The following QSOX2 variants were observed in gnomAD, a reference collection of about 807,000 sequenced individuals.
QSOX2 encodes sulfhydryl oxidase 2.
QSOX2 carries 46 observed loss-of-function variants against 61.7 expected under a neutral mutation model. That is an observed-to-expected ratio of 0.75 (90% CI 0.59 to 0.95). The LOEUF is 0.95. Ranked by LOEUF, QSOX2 falls within the 40% of genes least tolerant of loss-of-function variation. QSOX2 has a pLI of 0.00. For synonymous variants in QSOX2, 383 were observed against 388.4 expected, an observed-to-expected ratio of 0.99 and a Z score of 0.16; for missense variants, 879 against 918.9, an observed-to-expected ratio of 0.96 and a Z score of 0.56.
chr9:136,240,419 A>G (rs1252383567), intron 1 of QSOX2, among the ~76,000 whole-genome samples: 1 of 152,222 alleles, frequency 6.6e-6, no homozygotes, highest in South Asian at 2.1e-4. Flanking sequence ...AGTAAAGATA[A>G]AACAATCTCC....
Position 136,228,869 on chromosome 9 carries a change from C to T in QSOX2, c.329-1995G>A, listed in dbSNP as rs145544326. 8.1e-3 allele frequency among the ~76,000 whole-genome samples: 1,235 copies of T among 152,330 alleles called. 13 individuals carry two copies. Among genetic ancestry groups the T allele is most frequent in the Non-Finnish European group, 0.011 (726 of 68,028 alleles). ...CCACTTGTCTAAATCAATGATTCCA[C>T]TATAAATCATGTAAAAAGAGTAAGA... On this transcript the variant is annotated intron_variant, in intron 1 of 11. Coordinates refer to ENST00000358701, the MANE Select transcript of QSOX2 (RefSeq NM_181701.4).
At position 136,234,757 on chromosome 9, in the gene QSOX2, C is replaced by A. The variant is rs377395041; in HGVS notation, c.329-7883G>T. The stretch of plus-strand genomic sequence containing the variant: ...GCAAGGCTGGTCTCCACAAGGCCCC[C>A]CAGCTCCACTGCGCCCGCCCCAGCC... On this transcript the variant is annotated intron_variant, in intron 1 of 11. Coordinates refer to ENST00000358701, the MANE Select transcript of QSOX2 (RefSeq NM_181701.4). 2.8e-3 allele frequency among the ~76,000 whole-genome samples: 395 copies of A among 141,308 alleles called. 10 individuals are homozygous for A. Among genetic ancestry groups the A allele is most frequent in the Non-Finnish European group, 4.2e-3 (270 of 64,352 alleles). The allele number at this position is 141,308 out of a possible 152,430, so 92.7% of individuals were successfully genotyped here. A position where few individuals can be genotyped will look rare whatever the true frequency, so the allele number is the denominator to read the frequency against.
intron 11 of QSOX2, 115 bp downstream of exon 11, chr9:136,211,149 C>T: frequency 8.7e-7 from 1 of 1,145,748 alleles, no homozygotes; most frequent in Non-Finnish European, 1.2e-6. Context: ...CAGTGGGTGG[C>T]ACGAGGCCGC....
rs1399318619 is a variant in QSOX2 at position 136,221,745 on chromosome 9, T to C, written c.821+51A>G. On this transcript the variant is annotated intron_variant, in intron 6 of 11. Coordinates refer to ENST00000358701, the MANE Select transcript of QSOX2 (RefSeq NM_181701.4). This position sits in a 1 kb window ranked among gnomAD's most constrained non-coding sequence, Gnocchi z 4.5. ...TTGCACTGTCTACTCGGAGCCTCTG[T>C]CCGGTAACTCCGAGCGGCACGGAGT... 3.3e-6 allele frequency: 5 copies of C among 1,528,670 alleles called. No individual in the cohort carries two copies. Among genetic ancestry groups the C allele is most frequent in the Non-Finnish European group, 4.4e-6 (5 of 1,133,876 alleles). The allele number at this position is 1,528,670 out of a possible 1,614,324, so 94.7% of individuals were successfully genotyped here.
At chr9:136,218,850 C>A in intron 7 of QSOX2, 42 bp from the exon 8 acceptor site, 1 of 1,601,996 alleles carries the variant, frequency 6.2e-7, no homozygotes, top group Non-Finnish European at 8.5e-7. Context: ...CCCAACCTTT[C>A]CCTCCACAGC....
In QSOX2 at chr9:136,216,631, G is replaced by T; in HGVS notation, c.1178C>A (p.Ala393Asp). The change falls in exon 9 of 12, where the codon GCC becomes GAC. Residue 393 changes from alanine to aspartate, a missense_variant. Transcript: ENST00000358701. ...SLPLDRIPYN[A>D]VLDLVNNKMR... ...CTTGTTGTTGACCAGGTCAAGCACGGCGTTGTAGGGGATCCTGTCCAGGGG... is the reference window on the plus strand; with the variant it reads ...CTTGTTGTTGACCAGGTCAAGCACGTCGTTGTAGGGGATCCTGTCCAGGGG... 6.2e-7 allele frequency: 1 copy of T among 1,613,966 alleles called. No homozygotes were observed. Among genetic ancestry groups the T allele is most frequent in the South Asian group, 1.1e-5 (1 of 91,092 alleles).
chr9:136,215,815 A>G (rs1831905072), intron 9 of QSOX2, among the ~76,000 whole-genome samples: 1 of 152,182 alleles, frequency 6.6e-6, no homozygotes, highest in African/African-American at 2.4e-5. Flanking sequence ...TTCGTGTCTC[A>G]TCAACCTTTT....
Position 136,215,278 on chromosome 9 carries a change from G to T in QSOX2, c.1236C>A (p.His412Gln). The T allele has an allele frequency of 6.2e-7, 1 of 1,613,738 alleles. No homozygotes were observed. Among genetic ancestry groups the T allele is most frequent in the Non-Finnish European group, 8.5e-7 (1 of 1,179,948 alleles). The change falls in exon 10 of 12, where the codon CAC becomes CAA. Residue 412 changes from histidine (H) to glutamine (Q), a missense_variant. Transcript: ENST00000358701. ...MRISGIFLTN[H>Q]IKWVGCQGSR... ...TTCCTTGACATCCAACCCACTTTAT[G>T]TGATTAGTAAGGAATATTCCAGAAA... is the stretch of plus-strand genomic sequence containing the variant.
intron 11 of QSOX2, 109 bp downstream of exon 11, chr9:136,211,155 G>T: frequency 8.2e-7 from 1 of 1,215,202 alleles, no homozygotes; most frequent in Non-Finnish European, 1.2e-6. Context: ...GTGGCACGAG[G>T]CCGCAAAGCT....
chr9:136,238,510 C>T (rs921861606), intron 1 of QSOX2, among the ~76,000 whole-genome samples: 3 of 152,216 alleles, frequency 2.0e-5, no homozygotes, highest in Non-Finnish European at 4.4e-5. Flanking sequence ...CCAAAGACAA[C>T]GCTCCCCGGG....
chr9:136,223,733 T>C lies in QSOX2; in HGVS notation c.675+30A>G, dbSNP rs557933879. 12 of 1,585,446 alleles carry C rather than the reference T, an allele frequency of 7.6e-6. No individual in the cohort carries two copies. The Admixed American group carries it at 2.0e-4, about 27-fold the overall frequency. On this transcript the variant is annotated intron_variant, in intron 5 of 11. Transcript: ENST00000358701. This position sits in a 1 kb window ranked among gnomAD's most constrained non-coding sequence, Gnocchi z 4.4. The stretch of plus-strand genomic sequence containing the variant: ...CCGCCAACCCCAATCACACCACGTG[T>C]GACACCTGGAGCCCACGCAGAGGCC...
At chr9:136,212,406 G>GT (rs779447955) in intron 10 of QSOX2, among the ~76,000 whole-genome samples, 1 of 152,262 alleles carries the variant, frequency 6.6e-6, no homozygotes, top group Non-Finnish European at 1.5e-5. Flanking sequence ...AGCTTCCCGC[G>GT]TGAGTGCAGG....
intron 1 of QSOX2, among the ~76,000 whole-genome samples, chr9:136,240,226 T>C (rs1211277683): frequency 1.3e-5 from 2 of 152,244 alleles, no homozygotes; most frequent in East Asian, 1.9e-4. Flanking sequence ...GTCTTAAAAA[T>C]ACTTGGGAAA....
chr9:136,243,123 G>A (rs1037760332), intron 1 of QSOX2, among the ~76,000 whole-genome samples: 2 of 152,134 alleles, frequency 1.3e-5, no homozygotes, highest in Non-Finnish European at 2.9e-5. Context: ...AGCCTGACTC[G>A]GGTACAGCAC....
chr9:136,230,690 A>G (rs1009921907), intron 1 of QSOX2, among the ~76,000 whole-genome samples: 1 of 152,222 alleles, frequency 6.6e-6, no homozygotes, highest in Admixed American at 6.5e-5. Flanking sequence ...TTACTCTTCC[A>G]TGATAAGCCA....
At chr9:136,232,869 C>T (rs547553172) in intron 1 of QSOX2, among the ~76,000 whole-genome samples, 3 of 134,924 alleles carry the variant, frequency 2.2e-5, no homozygotes, top group East Asian at 4.2e-4. Context: ...TGCGGTGAGC[C>T]GAGATTGCAC....
At chr9:136,224,200 C>A in intron 3 of QSOX2, 88 bp from the exon 4 acceptor site, 1 of 1,028,814 alleles carries the variant, frequency 9.7e-7, no homozygotes, top group Non-Finnish European at 1.5e-6. Flanking sequence ...CCCGTCCCAG[C>A]CTGGGGCCCA....
At chr9:136,225,943 G>C (rs554913934) in intron 2 of QSOX2, among the ~76,000 whole-genome samples, 2 of 152,366 alleles carry the variant, frequency 1.3e-5, no homozygotes, top group Admixed American at 6.5e-5. Flanking sequence ...AGGCAGGCAA[G>C]CAAGTGTGCG....
At chr9:136,212,308 A>G (rs531289383) in intron 10 of QSOX2, among the ~76,000 whole-genome samples, 1 of 152,330 alleles carries the variant, frequency 6.6e-6, no homozygotes, top group African/African-American at 2.4e-5. Flanking sequence ...TAGGAGACCC[A>G]TGAGATTAAA....
Sources: gnomAD v4.1 joint callset for allele counts (sites outside exome capture counted in the v4.1 genomes callset) on GRCh38, gnomAD v4.1.1 for gene constraint, Gnocchi (gnomAD v3.1) non-coding constraint, MANE v1.5 for transcripts, NCBI Gene and HGNC (gene_info 2026-07-23, HGNC 2026-07-21) for gene names.